The following INSL6 variants were observed in gnomAD, a reference collection of about 807,000 sequenced individuals.
INSL6 encodes the protein insulin like 6.
In INSL6, 16 loss-of-function variants were observed where a neutral mutation model predicts 9.4. The ratio of observed to expected loss-of-function variants is 1.70; its 90% CI spans 1.15 to 2.59. The LOEUF (loss-of-function observed/expected upper bound fraction) is 2.59, where lower values mean the gene tolerates loss of function less well. Ranked by LOEUF, INSL6 falls within the 30% of genes most tolerant of loss-of-function variation. INSL6 has a pLI of 0.00. For missense variants in INSL6, 391 were observed against 257.3 expected, an observed-to-expected ratio of 1.52 and a Z score of -3.56; for synonymous variants, 154 against 96.9, an observed-to-expected ratio of 1.59 and a Z score of -3.46.
At chr9:5,034,472 G>C in the INSL6 span, among the ~76,000 whole-genome samples, 1 of 151,990 alleles carries the variant, frequency 6.6e-6, no homozygotes. Flanking sequence ...TTCCAAAATT[G>C]ACCACATAGT....
intron 1 of INSL6, among the ~76,000 whole-genome samples, chr9:5,180,460 T>C (rs1476401170): frequency 6.6e-6 from 1 of 152,198 alleles, no homozygotes; most frequent in African/African-American, 2.4e-5. Context: ...GTAGGGAAGA[T>C]ATCACTAAAT....
chr9:5,086,917 C>T, the INSL6 span, among the ~76,000 whole-genome samples: 1 of 152,144 alleles, frequency 6.6e-6, no homozygotes, highest in African/African-American at 2.4e-5. Flanking sequence ...CTGGTATCCA[C>T]AATTATATCA....
the INSL6 span, among the ~76,000 whole-genome samples, chr9:5,014,529 A>T: frequency 6.6e-6 from 1 of 152,176 alleles, no homozygotes; most frequent in Non-Finnish European, 1.5e-5. Flanking sequence ...TATGGTGGGA[A>T]AATATCAGAA....
chr9:5,134,971 A>AAATAAAGG (rs1204729114), intron 2 of INSL6, among the ~76,000 whole-genome samples: 2 of 152,216 alleles, frequency 1.3e-5, no homozygotes, highest in African/African-American at 4.8e-5. Flanking sequence ...CATAGGCTCA[A>AAATAAAGG]AATAAAGGAA....
At chr9:5,029,061 A>G in the INSL6 span, among the ~76,000 whole-genome samples, 4 of 152,240 alleles carry the variant, frequency 2.6e-5, no homozygotes, top group African/African-American at 9.6e-5. Flanking sequence ...TTGGCTTTTA[A>G]TAATACCTTC....
the INSL6 span, chr9:5,041,009 C>A: frequency 1.5e-6 from 1 of 657,374 alleles, no homozygotes; most frequent in Non-Finnish European, 2.8e-6. Context: ...TTCCGGACCC[C>A]GCAGCTGCAC....
intron 3 of INSL6, among the ~76,000 whole-genome samples, chr9:5,131,534 T>C (rs1336585159): frequency 6.8e-6 from 1 of 146,506 alleles, no homozygotes. Context: ...ACCTCCTGGG[T>C]TCAAGTGATT....
chr9:5,012,841 A>G, the INSL6 span, among the ~76,000 whole-genome samples: 1 of 152,166 alleles, frequency 6.6e-6, no homozygotes, highest in Non-Finnish European at 1.5e-5. Context: ...TTTTAGTCTA[A>G]ACATTCGTAA....
exon 4 of INSL6, among the ~76,000 whole-genome samples, chr9:5,124,033 C>G (rs187929126): frequency 6.6e-4 from 100 of 151,686 alleles, no homozygotes; most frequent in Non-Finnish European, 9.7e-4. Context: ...TATTGATCTC[C>G]TTTGTCCACT....
At chr9:5,115,956 AGTTGATGG>A in the INSL6 span, among the ~76,000 whole-genome samples, 64 of 152,266 alleles carry the variant, frequency 4.2e-4, no homozygotes, top group Non-Finnish European at 5.1e-4. Context: ...TACCTAATGT[AGTTGATGG>A]GTTGATGGGT....
chr9:5,131,917 G>T (rs1016714060), intron 3 of INSL6: 1 of 152,054 alleles, frequency 6.6e-6, no homozygotes, highest in Non-Finnish European at 1.5e-5. Flanking sequence ...TGCCAGAATT[G>T]TTTTTTTAAA....
intron 1 of INSL6, among the ~76,000 whole-genome samples, chr9:5,182,268 G>A (rs1396603743): frequency 1.3e-5 from 2 of 151,170 alleles, no homozygotes; most frequent in Non-Finnish European, 2.9e-5. Flanking sequence ...GCAACAATAA[G>A]ATATAGATCT....
At chr9:5,037,491 A>T in the INSL6 span, among the ~76,000 whole-genome samples, 2 of 152,230 alleles carry the variant, frequency 1.3e-5, no homozygotes, top group Admixed American at 6.5e-5. Flanking sequence ...GATTAAGAAA[A>T]TGTGGCACAT....
At chr9:5,145,219 T>A (rs187930858) in intron 2 of INSL6, among the ~76,000 whole-genome samples, 10 of 151,758 alleles carry the variant, frequency 6.6e-5, no homozygotes, top group African/African-American at 1.9e-4. Context: ...CGTTCACTTA[T>A]GAAGCTTAGC....
At chr9:5,006,681 T>C in the INSL6 span, among the ~76,000 whole-genome samples, 1 of 152,048 alleles carries the variant, frequency 6.6e-6, no homozygotes, top group Non-Finnish European at 1.5e-5. Flanking sequence ...AATAACCAGA[T>C]CTCATGCAAA....
At chr9:5,120,538 G>T (rs1823536114), downstream of INSL6, among the ~76,000 whole-genome samples, 1 of 152,114 alleles carries the variant, frequency 6.6e-6, no homozygotes, top group Non-Finnish European at 1.5e-5. Context: ...AATAACTGGG[G>T]GAAAAAGTGC....
the INSL6 span, among the ~76,000 whole-genome samples, chr9:5,002,319 C>T: frequency 2.2e-4 from 33 of 151,570 alleles, no homozygotes; most frequent in African/African-American, 8.0e-4. Flanking sequence ...AGCTGTATTC[C>T]CCCAAATTTT....
the INSL6 span, chr9:5,109,883 CTT>C: frequency 2.0e-5 from 3 of 152,188 alleles, no homozygotes; most frequent in Non-Finnish European, 4.4e-5. Context: ...TCTTTCAACT[CTT>C]TATCGGATGA....
the INSL6 span, among the ~76,000 whole-genome samples, chr9:5,007,088 TG>T: frequency 3.3e-5 from 5 of 152,146 alleles, no homozygotes; most frequent in African/African-American, 1.2e-4. Context: ...CGTTTTACTT[TG>T]CTTTTCTTTA....
Sources: gnomAD v4.1 joint callset for allele counts (sites outside exome capture counted in the v4.1 genomes callset) on GRCh38, gnomAD v4.1.1 for gene constraint, MANE v1.5 for transcripts, NCBI Gene and HGNC (gene_info 2026-07-23, HGNC 2026-07-21) for gene names.